NWD2: variants seen among roughly 807,000 people sequenced by gnomAD.
NWD2 encodes NACHT and WD repeat domain containing 2, also known as NACHT and WD repeat domain-containing protein 2.
NWD2 carries 37 observed loss-of-function variants against 132.7 expected under a neutral mutation model. The ratio of observed to expected loss-of-function variants is 0.28; its 90% confidence interval spans 0.21 to 0.37. NWD2 has a LOEUF of 0.37. Among genes scored for constraint, NWD2 ranks in the 10% least tolerant of loss-of-function variants. The pLI is 1.00. For missense variants in NWD2, 1,592 were observed against 2,122.4 expected (o/e 0.75, Z 4.91); for synonymous variants, 705 against 803.0 (o/e 0.88, Z 2.06).
At chr4:37,408,548 C>T (rs1334546894) in intron 3 of NWD2, among the ~76,000 whole-genome samples, 1 of 152,184 alleles carries the variant, frequency 6.6e-6, no homozygotes, top group Non-Finnish European at 1.5e-5. Context: ...GCAGATAAAA[C>T]CCCCATCTCA....
intron 2 of NWD2, among the ~76,000 whole-genome samples, chr4:37,326,490 A>G (rs1413166682): frequency 6.6e-6 from 1 of 152,136 alleles, no homozygotes; most frequent in Non-Finnish European, 1.5e-5. Context: ...TATTCATTTC[A>G]GAGCTACATC....
intron 1 of NWD2, among the ~76,000 whole-genome samples, chr4:37,322,113 G>C (rs1719080215): frequency 6.6e-6 from 1 of 152,100 alleles, no homozygotes; most frequent in South Asian, 2.1e-4. Flanking sequence ...GTTCATTTTT[G>C]TCACTGGCGC....
chr4:37,395,583 T>TAAAAAA (rs1720770904), intron 3 of NWD2, among the ~76,000 whole-genome samples: 2 of 7,136 alleles, frequency 2.8e-4, no homozygotes, highest in Non-Finnish European at 5.9e-4. Context: ...AAACTCTGTC[T>TAAAAAA]CAAAAAAAAA....
At chr4:37,293,193 A>G (rs999795329) in intron 1 of NWD2, among the ~76,000 whole-genome samples, 7 of 152,336 alleles carry the variant, frequency 4.6e-5, no homozygotes, top group Admixed American at 1.3e-4. Flanking sequence ...CAATTAGTCA[A>G]AATCAATCTC....
intron 1 of NWD2, among the ~76,000 whole-genome samples, chr4:37,250,430 T>G (rs1717335172): frequency 6.6e-6 from 1 of 152,208 alleles, no homozygotes; most frequent in Non-Finnish European, 1.5e-5. Context: ...AATTTAATGC[T>G]GTGATTTCTT....
At chr4:37,314,842 T>G (rs1396342381) in intron 1 of NWD2, among the ~76,000 whole-genome samples, 1 of 152,164 alleles carries the variant, frequency 6.6e-6, no homozygotes, top group Non-Finnish European at 1.5e-5. Context: ...TCTAGTTTCT[T>G]AAGGTGGAAT....
intron 1 of NWD2, among the ~76,000 whole-genome samples, chr4:37,280,046 C>A (rs961194241): frequency 2.6e-5 from 4 of 152,102 alleles, no homozygotes; most frequent in African/African-American, 9.7e-5. Context: ...CTTTATATAT[C>A]CAGAGTACAG....
At position 37,445,189 on chromosome 4, in the gene NWD2, C is replaced by T. The variant is rs1021759729; in HGVS notation, c.3201C>T (p.Ser1067=). 63 of 1,551,740 alleles carry T rather than the reference C, an allele frequency of 4.1e-5. No individual in the cohort carries two copies. The highest frequency in any genetic ancestry group is 2.9e-4 in the East Asian group (12 of 40,934). ...SATYINGFTL[S]ANHALAWLEA... ...CCTACATCAATGGATTTACACTGTCCGCCAACCACGCCCTTGCATGGCTCG... is the reference window on the plus strand; with the variant it reads ...CCTACATCAATGGATTTACACTGTCTGCCAACCACGCCCTTGCATGGCTCG... The change falls in exon 7 of 7, where the codon TCC becomes TCT. Residue 1067 remains serine (S), a synonymous_variant. Coordinates refer to ENST00000309447, the MANE Select transcript of NWD2 (RefSeq NM_001144990.2). The surrounding 1 kb of genome is among the most constrained non-coding windows in gnomAD (Gnocchi z 4.7).
chr4:37,323,097 TA>T (rs1719101384), intron 1 of NWD2, among the ~76,000 whole-genome samples: 1 of 152,092 alleles, frequency 6.6e-6, no homozygotes, highest in Non-Finnish European at 1.5e-5. Flanking sequence ...TTTCTTTGCC[TA>T]AAAAACATGG....
At chr4:37,267,040 G>A (rs756739866) in intron 1 of NWD2, among the ~76,000 whole-genome samples, 5 of 151,884 alleles carry the variant, frequency 3.3e-5, no homozygotes, top group Non-Finnish European at 2.9e-5. Context: ...TCGAATTTAC[G>A]TAGAAAAAGG....
At chr4:37,333,567 C>T (rs896441326) in intron 2 of NWD2, among the ~76,000 whole-genome samples, 3 of 152,152 alleles carry the variant, frequency 2.0e-5, no homozygotes, top group Non-Finnish European at 4.4e-5. Context: ...AGATCACAAA[C>T]CCAAGTCCCT....
intron 4 of NWD2, among the ~76,000 whole-genome samples, chr4:37,433,482 T>C (rs1233237909): frequency 2.6e-5 from 4 of 152,142 alleles, no homozygotes. Flanking sequence ...CAGTGGACCA[T>C]CAAAACAAAT....
At chr4:37,292,418 A>G (rs139197235) in intron 1 of NWD2, among the ~76,000 whole-genome samples, 11 of 152,270 alleles carry the variant, frequency 7.2e-5, no homozygotes, top group Non-Finnish European at 1.5e-4. Context: ...GGCACCATCT[A>G]TGAAGCGGAG....
rs1475385297 is a variant in NWD2, at chr4:37,356,226, A to C, written c.241-140A>C. 13 of 481,540 alleles carry C rather than the reference A, an allele frequency of 2.7e-5. No individual in the cohort carries two copies. In the East Asian group the frequency reaches 4.1e-4, roughly 15 times the overall value. 29.8% of individuals were successfully genotyped at this position (481,540 alleles called of 1,614,324 possible). A position where few individuals can be genotyped will look rare whatever the true frequency, so the allele number is the denominator to read the frequency against. ...CCATCATGGAATGAAAAATCTCTCT[A>C]AATGGATCTTAAAAATCACTTCCCC... On this transcript the variant is annotated intron_variant, in intron 2 of 6. Coordinates refer to ENST00000309447, the MANE Select transcript of NWD2 (RefSeq NM_001144990.2).
At chr4:37,375,812 C>G (rs1320906602) in intron 3 of NWD2, among the ~76,000 whole-genome samples, 1 of 152,234 alleles carries the variant, frequency 6.6e-6, no homozygotes, top group Non-Finnish European at 1.5e-5. Flanking sequence ...TGTGATCCAC[C>G]CGCCTCGGCC....
At chr4:37,296,482 T>C (rs146274591) in intron 1 of NWD2, among the ~76,000 whole-genome samples, 299 of 152,244 alleles carry the variant, frequency 2.0e-3, no homozygotes, top group Non-Finnish European at 3.7e-3. Context: ...AAACGTGGCA[T>C]ATATACACCA....
chr4:37,313,926 G>A (rs1718905072), intron 1 of NWD2, among the ~76,000 whole-genome samples: 1 of 151,146 alleles, frequency 6.6e-6, no homozygotes, highest in African/African-American at 2.5e-5. Flanking sequence ...TCGATCTCCT[G>A]ACCTCATTAT....
chr4:37,442,112 G>C (rs1015224816), intron 6 of NWD2, among the ~76,000 whole-genome samples: 4 of 152,138 alleles, frequency 2.6e-5, no homozygotes, highest in Non-Finnish European at 5.9e-5. Context: ...TTCCTTAACA[G>C]CTCCTTATAA....
chr4:37,284,864 T>A (rs1718195069), intron 1 of NWD2, among the ~76,000 whole-genome samples: 2 of 152,142 alleles, frequency 1.3e-5, no homozygotes, highest in Admixed American at 1.3e-4. Flanking sequence ...TGGTGAGGGA[T>A]GTCAAAGAAG....
Sources: gnomAD v4.1 joint callset for allele counts (sites outside exome capture counted in the v4.1 genomes callset) on GRCh38, gnomAD v4.1.1 for gene constraint, Gnocchi (gnomAD v3.1) non-coding constraint, MANE v1.5 for transcripts, NCBI Gene and HGNC (gene_info 2026-07-23, HGNC 2026-07-21) for gene names.